Variants in CCDC85A observed in about 807,000 individuals in gnomAD.
CCDC85A encodes coiled-coil domain containing 85A.
CCDC85A carries 38 observed loss-of-function variants against 50.2 expected under a neutral mutation model. The observed-to-expected ratio is 0.76, with a 90% CI of 0.58 to 0.99. The LOEUF (loss-of-function observed/expected upper bound fraction) is 0.99, where lower values mean the gene tolerates loss of function less well. CCDC85A is among the 50% of genes least tolerant of loss of function. CCDC85A has a pLI of 0.00. For synonymous variants in CCDC85A, 366 were observed against 301.4 expected (o/e 1.21, Z -2.22); for missense variants, 820 against 742.0 (o/e 1.11, Z -1.22).
At chr2:56,323,240 A>G (rs1006077555) in intron 2 of CCDC85A, among the ~76,000 whole-genome samples, 3 of 152,156 alleles carry the variant, frequency 2.0e-5, no homozygotes, top group African/African-American at 4.8e-5. Context: ...GCATGTATAC[A>G]TATGTAACAA....
intron 2 of CCDC85A, among the ~76,000 whole-genome samples, chr2:56,318,620 A>T (rs1023057993): frequency 3.3e-5 from 5 of 152,030 alleles, no homozygotes; most frequent in East Asian, 3.9e-4. Flanking sequence ...TATTGATGAA[A>T]TTTTTTGGCC....
intron 3 of CCDC85A, among the ~76,000 whole-genome samples, chr2:56,355,591 C>T (rs79379976): frequency 0.021 from 3,208 of 152,146 alleles, 39 homozygotes; most frequent in Non-Finnish European, 0.029. Flanking sequence ...GATATAGAAG[C>T]AACCTTTGAA....
intron 2 of CCDC85A, among the ~76,000 whole-genome samples, chr2:56,233,923 A>T (rs1668885949): frequency 6.6e-6 from 1 of 152,136 alleles, no homozygotes; most frequent in Non-Finnish European, 1.5e-5. Context: ...TCTGTCAGAA[A>T]GGGGAAAAGT....
At chr2:56,217,478 C>T (rs1219687639) in intron 2 of CCDC85A, among the ~76,000 whole-genome samples, 2 of 151,708 alleles carry the variant, frequency 1.3e-5, no homozygotes, top group Non-Finnish European at 2.9e-5. Flanking sequence ...GGGAGGAATT[C>T]CTTTGTATAG....
At chr2:56,223,716 G>A (rs981325554) in intron 2 of CCDC85A, among the ~76,000 whole-genome samples, 10 of 152,192 alleles carry the variant, frequency 6.6e-5, no homozygotes, top group South Asian at 2.1e-4. Context: ...TTTAATCAGC[G>A]AAAAATGCTC....
Position 56,193,132 on chromosome 2 carries a change from G to C in CCDC85A, c.932G>C (p.Ser311Thr). Residue 311 changes from serine (S) to threonine (T), a missense_variant, in exon 2 of 6, where the codon AGT becomes ACT. Coordinates refer to ENST00000407595, the MANE Select transcript of CCDC85A (RefSeq NM_001080433.2). ...SPETLPKHVL[S>T]GSPEHFQKHR... ...GAAACGCTGCCCAAGCACGTGCTGA[G>C]TGGGAGCCCGGAACACTTCCAGAAG... The C allele has an allele frequency of 6.2e-7, 1 of 1,613,056 alleles. No individual in the cohort carries two copies.
At chr2:56,332,171 G>T (rs1193700300) in intron 2 of CCDC85A, among the ~76,000 whole-genome samples, 1 of 152,156 alleles carries the variant, frequency 6.6e-6, no homozygotes, top group Non-Finnish European at 1.5e-5. Flanking sequence ...TCTAGCTGAG[G>T]GGCATTTAGA....
chr2:56,260,101 C>G (rs983106743), intron 2 of CCDC85A, among the ~76,000 whole-genome samples: 1 of 152,144 alleles, frequency 6.6e-6, no homozygotes, highest in African/African-American at 2.4e-5. Context: ...CTGAAGGGAA[C>G]CAGATGGTCA....
intron 3 of CCDC85A, among the ~76,000 whole-genome samples, chr2:56,371,356 C>A: frequency 6.6e-6 from 1 of 151,880 alleles, no homozygotes; most frequent in African/African-American, 2.4e-5. Context: ...GAAAATTGGA[C>A]CAGTACTATT....
At chr2:56,367,056 C>G (rs1046631590) in intron 3 of CCDC85A, among the ~76,000 whole-genome samples, 1 of 152,026 alleles carries the variant, frequency 6.6e-6, no homozygotes, top group African/African-American at 2.4e-5. Flanking sequence ...GAATCTTTGC[C>G]CAGCAAATTG....
intron 3 of CCDC85A, among the ~76,000 whole-genome samples, chr2:56,355,073 G>A (rs915098556): frequency 2.0e-5 from 3 of 152,158 alleles, no homozygotes; most frequent in African/African-American, 7.2e-5. Context: ...CTTAAGTCTA[G>A]TCCTGTGGGT....
intron 3 of CCDC85A, among the ~76,000 whole-genome samples, chr2:56,363,970 A>G (rs1057308302): frequency 2.6e-5 from 4 of 152,146 alleles, no homozygotes; most frequent in African/African-American, 7.2e-5. Context: ...ACCTTTTACT[A>G]TTTAATACCA....
chr2:56,297,142 G>T (rs966468497), intron 2 of CCDC85A, among the ~76,000 whole-genome samples: 1 of 152,108 alleles, frequency 6.6e-6, no homozygotes, highest in African/African-American at 2.4e-5. Context: ...GTTGAGAGGT[G>T]GGGGCATGTG....
At chr2:56,343,648 A>G (rs553525306) in intron 3 of CCDC85A, among the ~76,000 whole-genome samples, 117 of 152,296 alleles carry the variant, frequency 7.7e-4, no homozygotes, top group Non-Finnish European at 1.2e-3. Context: ...AACAAATATG[A>G]TTCTAGGTTG....
intron 2 of CCDC85A, among the ~76,000 whole-genome samples, chr2:56,267,653 A>G (rs750854673): frequency 3.3e-5 from 5 of 152,170 alleles, no homozygotes; most frequent in East Asian, 3.9e-4. Context: ...CTCATGCAGC[A>G]TGAAACTGGC....
chr2:56,341,352 T>A (rs1674360455), intron 2 of CCDC85A, among the ~76,000 whole-genome samples: 1 of 152,076 alleles, frequency 6.6e-6, no homozygotes, highest in Non-Finnish European at 1.5e-5. Flanking sequence ...GAGAGACAGT[T>A]AACAACCACC....
intron 2 of CCDC85A, among the ~76,000 whole-genome samples, chr2:56,249,474 A>G (rs1196732254): frequency 6.6e-6 from 1 of 152,204 alleles, no homozygotes; most frequent in Non-Finnish European, 1.5e-5. Context: ...AAACAATCCC[A>G]TACAGGGCCT....
Position 56,184,602 on chromosome 2 carries a change from G to C in CCDC85A, c.-23G>C. 1.4e-6 allele frequency: 2 copies of C among 1,409,588 alleles called. No individual in the cohort carries two copies. Among genetic ancestry groups the C allele is most frequent in the South Asian group, 3.2e-5 (2 of 62,724 alleles). The allele number at this position is 1,409,588 out of a possible 1,614,324, so 87.3% of individuals were successfully genotyped here. A position where few individuals can be genotyped will look rare whatever the true frequency, so the allele number is the denominator to read the frequency against. On this transcript the variant is annotated 5_prime_UTR_variant, in exon 1 of 6. Transcript: ENST00000407595. ...GTCGCCTCGCCTCTTCCACCCACTT[G>C]CACCTGCCACCCCGCGGATACCATG...
At chr2:56,243,259 A>C (rs980187900) in intron 2 of CCDC85A, among the ~76,000 whole-genome samples, 1 of 152,122 alleles carries the variant, frequency 6.6e-6, no homozygotes, top group African/African-American at 2.4e-5. Flanking sequence ...CTTTAAAGCC[A>C]ATAACTCTTA....
Sources: gnomAD v4.1 joint callset for allele counts (sites outside exome capture counted in the v4.1 genomes callset) on GRCh38, gnomAD v4.1.1 for gene constraint, MANE v1.5 for transcripts, NCBI Gene and HGNC (gene_info 2026-07-23, HGNC 2026-07-21) for gene names.